The following AFF3 variants were observed in gnomAD, a reference collection of about 807,000 sequenced individuals.
The protein encoded by AFF3 is ALF transcription elongation factor 3.
In AFF3, 32 loss-of-function variants were observed where a neutral mutation model predicts 129.7. The observed-to-expected ratio is 0.25, with a 90% CI of 0.19 to 0.33. The LOEUF (loss-of-function observed/expected upper bound fraction) is 0.33, where lower values mean the gene tolerates loss of function less well. AFF3 is among the 10% of genes least tolerant of loss of function. AFF3 has a pLI of 1.00. For missense variants in AFF3, 1,373 were observed against 1,592.0 expected (o/e 0.86, Z 2.34); for synonymous variants, 644 against 635.4 (o/e 1.01, Z -0.20).
chr2:99,625,898 T>A (rs567843676), intron 13 of AFF3, among the ~76,000 whole-genome samples: 2 of 152,348 alleles, frequency 1.3e-5, no homozygotes, highest in South Asian at 4.1e-4. Context: ...TCCAGTGAAA[T>A]AAAACCTGTT....
intron 2 of AFF3, 119 bp from the exon 3 acceptor site, chr2:100,105,702 C>G: frequency 7.4e-7 from 1 of 1,358,094 alleles, no homozygotes; most frequent in South Asian, 1.2e-5. Flanking sequence ...GCGCATGTCT[C>G]CATCAGGGCC....
At chr2:100,087,419 C>T (rs1213133199) in intron 4 of AFF3, among the ~76,000 whole-genome samples, 2 of 152,018 alleles carry the variant, frequency 1.3e-5, no homozygotes, top group Non-Finnish European at 2.9e-5. Flanking sequence ...AAGATCAGGA[C>T]CTAAAATCTA....
chr2:99,920,920 G>C (rs1695815821), intron 7 of AFF3, among the ~76,000 whole-genome samples: 1 of 151,800 alleles, frequency 6.6e-6, no homozygotes, highest in Non-Finnish European at 1.5e-5. Context: ...ACATACTTGG[G>C]GATAAATTTA....
intron 11 of AFF3, among the ~76,000 whole-genome samples, chr2:99,683,480 C>T (rs191182175): frequency 3.3e-5 from 5 of 152,046 alleles, no homozygotes; most frequent in Admixed American, 2.6e-4. Context: ...CAGAGTCTCA[C>T]TTTGTTGCCC....
At chr2:99,896,935 C>CT (rs1558956136) in intron 7 of AFF3, among the ~76,000 whole-genome samples, 1 of 152,022 alleles carries the variant, frequency 6.6e-6, no homozygotes, top group African/African-American at 2.4e-5. Flanking sequence ...GCGCCCGGCC[C>CT]TGTGCATTCT....
chr2:99,815,802 C>G (rs111979528), intron 8 of AFF3, among the ~76,000 whole-genome samples: 2 of 149,996 alleles, frequency 1.3e-5, no homozygotes, highest in African/African-American at 4.9e-5. Context: ...ACTACTTATC[C>G]TGGTTCCTTC....
chr2:99,981,425 T>G (rs1331761536), intron 7 of AFF3, among the ~76,000 whole-genome samples: 1 of 152,216 alleles, frequency 6.6e-6, no homozygotes, highest in Non-Finnish European at 1.5e-5. Flanking sequence ...TTTAATTGTC[T>G]TCACTCATAT....
intron 2 of AFF3, among the ~76,000 whole-genome samples, chr2:100,116,078 CAAT>C (rs1251817775): frequency 1.3e-5 from 2 of 152,118 alleles, no homozygotes; most frequent in Non-Finnish European, 2.9e-5. Context: ...GCCCTGTTAA[CAAT>C]GATGAGTGGT....
chr2:99,593,605 C>A lies in AFF3; in HGVS notation c.2056G>T (p.Glu686Ter). Residue 686 changes from glutamate to a stop codon, truncating the protein, a stop_gained, in exon 15 of 25, where the codon GAG becomes TAG. Coordinates refer to ENST00000672756, the MANE Select transcript of AFF3 (RefSeq NM_001386135.1). LOFTEE classifies it high-confidence loss of function. Reference protein sequence around the residue: ...SSDSDLESEQEEYPLSKAQTV... With the variant: ...SSDSDLESEQ ...TGTGCTTTGGACAGAGGGTACTCCT[C>A]CTGCTCGGACTCCAGGTCGGAGTCC... is the stretch of plus-strand genomic sequence containing the variant. 1 of 1,612,110 alleles carries A rather than the reference C, an allele frequency of 6.2e-7. No individual in the cohort carries two copies. The highest frequency in any genetic ancestry group is 1.1e-5 in the South Asian group (1 of 91,064).
intron 1 of AFF3, among the ~76,000 whole-genome samples, chr2:100,132,148 A>G (rs1439567536): frequency 2.0e-5 from 3 of 152,244 alleles, no homozygotes; most frequent in Admixed American, 6.5e-5. Context: ...CAGGAGGAAT[A>G]AGTTCAGGAG....
At chr2:99,913,141 T>C (rs1294561152) in intron 7 of AFF3, among the ~76,000 whole-genome samples, 1 of 151,586 alleles carries the variant, frequency 6.6e-6, no homozygotes, top group Non-Finnish European at 1.5e-5. Context: ...ACAAAGACAG[T>C]GTCTTATTCA....
chr2:100,058,168 C>T (rs1559093967), intron 4 of AFF3, among the ~76,000 whole-genome samples: 1 of 152,144 alleles, frequency 6.6e-6, no homozygotes, highest in Admixed American at 6.5e-5. Context: ...GCATACCAGG[C>T]ATTTTATAAA....
intron 7 of AFF3, among the ~76,000 whole-genome samples, chr2:99,864,669 T>C (rs532689992): frequency 3.9e-5 from 6 of 152,210 alleles, no homozygotes; most frequent in African/African-American, 1.4e-4. Context: ...AAACCAACAA[T>C]GAGCAATGAG....
intron 7 of AFF3, among the ~76,000 whole-genome samples, chr2:99,948,111 T>C (rs1576410210): frequency 6.6e-6 from 1 of 152,290 alleles, no homozygotes; most frequent in East Asian, 1.9e-4. Flanking sequence ...GGAGCCTCCT[T>C]CAGGCTGGCT....
chr2:100,106,759 G>A (rs1321552207), intron 2 of AFF3: 29 of 985,424 alleles, frequency 2.9e-5, no homozygotes, highest in African/African-American at 5.2e-5. Context: ...AAGGAGGGCC[G>A]CTGAAGGACA....
intron 13 of AFF3, chr2:99,631,116 T>C (rs559308763): frequency 3.4e-6 from 1 of 292,118 alleles, no homozygotes; most frequent in South Asian, 2.8e-5. Context: ...TGCCTGGACG[T>C]GTGATCCTTC....
Position 99,587,269 on chromosome 2 carries a change from C to G in AFF3, c.2476G>C (p.Glu826Gln), listed in dbSNP as rs369487993. Residue 826 changes from glutamate (E) to glutamine (Q), a missense_variant, in exon 16 of 25, where the codon GAA becomes CAA. Physicochemically the swap from Glu to Gln is conservative, Grantham distance 29 (BLOSUM62 2). Around this residue, in one of 9 missense-constraint regions of AFF3, gnomAD observed 466 missense variants for 505.0 expected, o/e 0.92. Transcript: ENST00000672756. ...KSKRKRKCDN[E>Q]DDYREIKKSQ... The stretch of plus-strand genomic sequence containing the variant: ...TTCTTGATCTCCCTGTAGTCGTCTT[C>G]GTTGTCACACTGTATGGGAATAAAC... 6.2e-7 allele frequency: 1 copy of G among 1,614,042 alleles called. No individual in the cohort carries two copies. Among genetic ancestry groups the G allele is most frequent in the East Asian group, 2.2e-5 (1 of 44,870 alleles).
At position 99,613,384 on chromosome 2, in the gene AFF3, T is replaced by C. The variant is rs74873883; in HGVS notation, c.1185-11763A>G. 8.3e-3 allele frequency among the ~76,000 whole-genome samples: 1,258 copies of C among 152,358 alleles called. 23 individuals are homozygous for C. The highest frequency in any genetic ancestry group is 0.028 in the African/African-American group (1,179 of 41,588). On this transcript the variant is annotated intron_variant, in intron 13 of 24. Transcript: ENST00000672756. ...CATCTAATCTCAGAACCTTTTAGAA[T>C]GGCAATTCTTTGATATCTTTCACAA...
Position 99,727,144 on chromosome 2 carries a change from GA to G in AFF3, c.1040-17del, listed in dbSNP as rs1679427287. On this transcript the variant is annotated splice_polypyrimidine_tract_variant and intron_variant, in intron 10 of 24. Transcript: ENST00000672756. ...TCACCTTTCTCTTAAAAAGGAAGCA[GA>G]AAAAAATACCGACATATGAGTCTTA... is the stretch of plus-strand genomic sequence containing the variant. 4 of 1,605,126 alleles carry G rather than the reference GA, an allele frequency of 2.5e-6. No homozygotes were observed. The highest frequency in any genetic ancestry group is 1.7e-4 in the Middle Eastern group (1 of 6,042).
Sources: gnomAD v4.1 joint callset for allele counts (sites outside exome capture counted in the v4.1 genomes callset) on GRCh38, gnomAD v4.1.1 for gene constraint, gnomAD v4.1.1 regional missense constraint, MANE v1.5 for transcripts, NCBI Gene and HGNC (gene_info 2026-07-23, HGNC 2026-07-21) for gene names.